The following PRC1 variants were observed in gnomAD, a reference collection of about 807,000 sequenced individuals.
PRC1 encodes the protein protein regulator of cytokinesis 1.
In PRC1, 54 loss-of-function variants were observed where a neutral mutation model predicts 91.2. That is an observed-to-expected ratio of 0.59 (90% CI 0.48 to 0.74). The LOEUF (loss-of-function observed/expected upper bound fraction) is 0.74, where lower values mean the gene tolerates loss of function less well. PRC1 is among the 30% of genes least tolerant of loss of function. The pLI, the probability that PRC1 is intolerant of heterozygous loss-of-function variation, is 0.00. For synonymous variants in PRC1, 275 were observed against 263.6 expected (o/e 1.04, Z -0.42); for missense variants, 727 against 746.2 (o/e 0.97, Z 0.30).
chr15:90,974,997 G>C lies in PRC1; in HGVS notation c.1204-266C>G, dbSNP rs1326196281. Among the ~76,000 whole-genome samples the C allele has an allele frequency of 6.6e-6, 1 of 152,196 alleles. No homozygotes were observed. Among genetic ancestry groups the C allele is most frequent in the Non-Finnish European group, 1.5e-5 (1 of 68,046 alleles). On this transcript the variant is annotated intron_variant, in intron 9 of 14. Transcript: ENST00000394249. This position sits in a 1 kb window ranked among gnomAD's most constrained non-coding sequence, Gnocchi z 4.6. ...GTGCCTGAAGTTGGAGGCAGCACAGGGAAGATCAGCAATATGAAATAGGCG... is the reference window on the plus strand; with the variant it reads ...GTGCCTGAAGTTGGAGGCAGCACAGCGAAGATCAGCAATATGAAATAGGCG...
chr15:90,980,935 T>C lies in PRC1; in HGVS notation c.771A>G (p.Arg257=), dbSNP rs529948276. 1 of 1,614,098 alleles carries C rather than the reference T, an allele frequency of 6.2e-7. No homozygotes were observed. The highest frequency in any genetic ancestry group is 8.5e-7 in the Non-Finnish European group (1 of 1,180,036). Residue 257 remains arginine, a synonymous_variant, in exon 6 of 15, where the codon AGA becomes AGG. Coordinates refer to ENST00000394249, the MANE Select transcript of PRC1 (RefSeq NM_003981.4). ...CAGACATAATGGTGGCCACAGCTTCTCTTTCTTCTTCAGGTATTTGCAACC... is the reference window on the plus strand; with the variant it reads ...CAGACATAATGGTGGCCACAGCTTCCCTTTCTTCTTCAGGTATTTGCAACC... ...WDRLQIPEEE[R]EAVATIMSGS... is the part of the protein sequence containing the mutation.
intron 1 of PRC1, among the ~76,000 whole-genome samples, chr15:90,990,099 G>C (rs1410293939): frequency 6.6e-6 from 1 of 152,082 alleles, no homozygotes; most frequent in East Asian, 1.9e-4. Flanking sequence ...AGCACTTTGG[G>C]TGCCAAGACC....
At chr15:90,993,674 T>C (rs1215885342) in intron 1 of PRC1, among the ~76,000 whole-genome samples, 1 of 152,216 alleles carries the variant, frequency 6.6e-6, no homozygotes, top group African/African-American at 2.4e-5. Flanking sequence ...CAACACCGCC[T>C]AGGAAGTTAT....
chr15:90,990,424 C>G (rs114032725), intron 1 of PRC1, among the ~76,000 whole-genome samples: 2,528 of 146,810 alleles, frequency 0.017, 63 homozygotes, highest in African/African-American at 0.059. Context: ...TAGAGTCTCT[C>G]TATGTTGCCC....
intron 5 of PRC1, 80 bp downstream of exon 5, chr15:90,981,419 G>A (rs111628007): frequency 6.8e-7 from 1 of 1,468,886 alleles, no homozygotes; most frequent in South Asian, 1.2e-5. Flanking sequence ...CCTTATTTAA[G>A]ACTGAAGAAA....
At chr15:90,988,790 C>T (rs552460001) in intron 1 of PRC1, among the ~76,000 whole-genome samples, 1 of 152,188 alleles carries the variant, frequency 6.6e-6, no homozygotes, top group Admixed American at 6.5e-5. Context: ...TTTACCACAC[C>T]CTAACTCACA....
At chr15:90,980,743 T>C in intron 6 of PRC1, 141 bp downstream of exon 6, 1 of 1,188,480 alleles carries the variant, frequency 8.4e-7, no homozygotes, top group Non-Finnish European at 1.2e-6. Context: ...TGACCTCAAA[T>C]GATTCACCTG....
chr15:90,978,060 C>T (rs2151506120), intron 8 of PRC1, among the ~76,000 whole-genome samples: 1 of 152,364 alleles, frequency 6.6e-6, no homozygotes, highest in Admixed American at 6.5e-5. Flanking sequence ...TGAAGGCCCT[C>T]TGAGCTCTAA....
At chr15:90,993,680 G>C (rs1215392200) in intron 1 of PRC1, among the ~76,000 whole-genome samples, 2 of 151,586 alleles carry the variant, frequency 1.3e-5, no homozygotes, top group Non-Finnish European at 2.9e-5. Context: ...CGCCTAGGAA[G>C]TTATTAAAAC....
At chr15:90,969,741 T>G in intron 12 of PRC1, 118 bp from the exon 13 acceptor site, 1 of 447,542 alleles carries the variant, frequency 2.2e-6, no homozygotes, top group Non-Finnish European at 3.6e-6. Flanking sequence ...TATAATCCTA[T>G]ACTTTTTAGT....
intron 6 of PRC1, among the ~76,000 whole-genome samples, 178 bp downstream of exon 6, chr15:90,980,706 A>G (rs965995036): frequency 2.0e-5 from 3 of 151,936 alleles, no homozygotes; most frequent in African/African-American, 7.3e-5. Flanking sequence ...GGGTTTCGCC[A>G]TGTTGTCCAG....
intron 1 of PRC1, among the ~76,000 whole-genome samples, chr15:90,989,363 T>C (rs2039812320): frequency 6.6e-6 from 1 of 151,634 alleles, no homozygotes; most frequent in Non-Finnish European, 1.5e-5. Flanking sequence ...TTCTCCTACC[T>C]TAGTCTCCCA....
At position 90,974,891 on chromosome 15, in the gene PRC1, CA is replaced by C. The variant is rs2038536966; in HGVS notation, c.1204-161del. ...GGTACAGGTCAGAGTGACCAGAAATCAAAGCCCGGAGACATTTCATTCACAC... is the reference window on the plus strand; with the variant it reads ...GGTACAGGTCAGAGTGACCAGAAATCAAGCCCGGAGACATTTCATTCACAC... On this transcript the variant is annotated intron_variant, in intron 9 of 14. Transcript: ENST00000394249. The surrounding 1 kb of genome is among the most constrained non-coding windows in gnomAD (Gnocchi z 4.6). Among the ~76,000 whole-genome samples, 1 of 152,184 alleles carries C rather than the reference CA, an allele frequency of 6.6e-6. No homozygotes were observed. The highest frequency in any genetic ancestry group is 1.5e-5 in the Non-Finnish European group (1 of 68,038).
chr15:90,981,562 T>C lies in PRC1; in HGVS notation c.609A>G (p.Glu203=). ...AAGACAAACAAAAGGCATCTTCGTCTTCACACACCACATCTCTTTCAAAGC... is the reference window on the plus strand; with the variant it reads ...AAGACAAACAAAAGGCATCTTCGTCCTCACACACCACATCTCTTTCAAAGC... ...DTSFERDVVC[E]DEDAFCLSLE... Residue 203 remains glutamate (E), a synonymous_variant, in exon 5 of 15, where the codon GAA becomes GAG. Transcript: ENST00000394249. 6.2e-7 allele frequency: 1 copy of C among 1,614,112 alleles called. No individual in the cohort carries two copies.
At position 90,980,407 on chromosome 15, in the gene PRC1, G is replaced by T. The variant is rs375389789; in HGVS notation, c.823-18C>A. The stretch of plus-strand genomic sequence containing the variant: ...AATTGCAGCTGAAAGAAAGAAACTT[G>T]TTAAGGGTGGCTGCCATAGTTTTAT... On this transcript the variant is annotated intron_variant, in intron 6 of 14. Coordinates refer to ENST00000394249, the MANE Select transcript of PRC1 (RefSeq NM_003981.4). The T allele has an allele frequency of 2.4e-5, 38 of 1,604,738 alleles. No homozygotes were observed. Among genetic ancestry groups the T allele is most frequent in the Non-Finnish European group, 3.2e-5 (38 of 1,175,406 alleles).
intron 13 of PRC1, 23 bp from the exon 14 acceptor site, chr15:90,969,143 A>G (rs372211536): frequency 4.4e-5 from 70 of 1,601,274 alleles, no homozygotes; most frequent in Non-Finnish European, 5.6e-5. Context: ...AATTAAGACA[A>G]TTACCAAGAA....
chr15:90,985,404 T>C (rs2151577227), intron 1 of PRC1, among the ~76,000 whole-genome samples: 1 of 151,978 alleles, frequency 6.6e-6, no homozygotes, highest in Middle Eastern at 3.4e-3. Flanking sequence ...CTAATTTTTG[T>C]ATTTTTAGTA....
chr15:90,980,365 C>G lies in PRC1; in HGVS notation c.847G>C (p.Glu283Gln), dbSNP rs777149257. The change falls in exon 7 of 15, where the codon GAA becomes CAA. Residue 283 changes from glutamate (E) to glutamine (Q), a missense_variant. By Grantham distance (29) the Glu-to-Gln change is conservative. Coordinates refer to ENST00000394249, the MANE Select transcript of PRC1 (RefSeq NM_003981.4). ...KALQLEVDRL[E>Q]ELKMQNMKKV... ...TTCATGTTTTGCATTTTCAGTTCTT[C>G]CAACCGATCCACTTCTAATTGCAGC... 2 of 1,613,822 alleles carry G rather than the reference C, an allele frequency of 1.2e-6. No homozygotes were observed. Among genetic ancestry groups the G allele is most frequent in the African/African-American group, 2.7e-5 (2 of 74,890 alleles).
chr15:90,989,432 T>C (rs1484971531), intron 1 of PRC1, among the ~76,000 whole-genome samples: 1 of 150,326 alleles, frequency 6.7e-6, no homozygotes, highest in Non-Finnish European at 1.5e-5. Flanking sequence ...TTTTTTTTTT[T>C]TTTAAGGTTT....
Sources: gnomAD v4.1 joint callset for allele counts (sites outside exome capture counted in the v4.1 genomes callset) on GRCh38, gnomAD v4.1.1 for gene constraint, Gnocchi (gnomAD v3.1) non-coding constraint, MANE v1.5 for transcripts, NCBI Gene and HGNC (gene_info 2026-07-23, HGNC 2026-07-21) for gene names.